Variants in UGCG observed in about 807,000 individuals in gnomAD.
UGCG encodes the protein ceramide glucosyltransferase.
Under a neutral mutation model 49.5 loss-of-function variants are expected in UGCG, and 10 were observed. That is an observed-to-expected ratio of 0.20 (90% CI 0.12 to 0.34). UGCG has a LOEUF of 0.34. Ranked by LOEUF, UGCG falls within the 10% of genes least tolerant of loss-of-function variation. UGCG has a pLI of 1.00. For synonymous variants in UGCG, 182 were observed against 158.2 expected (o/e 1.15, Z -1.13); for missense variants, 312 against 483.7 (o/e 0.65, Z 3.33).
intron 2 of UGCG, among the ~76,000 whole-genome samples, chr9:111,921,648 C>CAA (rs1329952563): frequency 0.029 from 3,530 of 121,178 alleles, 61 homozygotes; most frequent in Non-Finnish European, 0.041. Flanking sequence ...GACTCTGTCT[C>CAA]AAAAAAAAAA....
intron 1 of UGCG, among the ~76,000 whole-genome samples, chr9:111,900,657 C>T (rs938263601): frequency 6.6e-6 from 1 of 151,834 alleles, no homozygotes; most frequent in African/African-American, 2.4e-5. Flanking sequence ...GCATGCCTGG[C>T]TAATTTTTGT....
At chr9:111,900,627 C>T (rs1172873890) in intron 1 of UGCG, among the ~76,000 whole-genome samples, 1 of 152,078 alleles carries the variant, frequency 6.6e-6, no homozygotes, top group African/African-American at 2.4e-5. Context: ...TAAGTAGCTC[C>T]CAAGTAGCTG....
rs1255330123 is a variant in UGCG, at chr9:111,934,346, T to C, written c.*1349T>C. 3.9e-5 allele frequency: 6 copies of C among 151,942 alleles called. No homozygotes were observed. The highest frequency in any genetic ancestry group is 7.4e-5 in the Non-Finnish European group (5 of 67,990). The allele number at this position is 151,942 out of a possible 1,614,324, so 9.4% of individuals were successfully genotyped here. ...TGGTGAACTGGACTTGATTCTGTTTTGTTTTGTTTTTTTAAAAAAAAAAAA... is the reference window on the plus strand; with the variant it reads ...TGGTGAACTGGACTTGATTCTGTTTCGTTTTGTTTTTTTAAAAAAAAAAAA... On this transcript the variant is annotated 3_prime_UTR_variant, in exon 9 of 9. Coordinates refer to ENST00000374279, the MANE Select transcript of UGCG (RefSeq NM_003358.3).
chr9:111,931,883 C>T lies in UGCG; in HGVS notation c.825-287C>T, dbSNP rs118136672. Reference sequence around the variant, plus strand: ...CTCTACAAAAAATGCAAAAATTAGCCAGGTGTGGTGGCGTGTACACCTGTG... The same window carrying T: ...CTCTACAAAAAATGCAAAAATTAGCTAGGTGTGGTGGCGTGTACACCTGTG... On this transcript the variant is annotated intron_variant, in intron 7 of 8. Coordinates refer to ENST00000374279, the MANE Select transcript of UGCG (RefSeq NM_003358.3). Among the ~76,000 whole-genome samples, 664 of 151,996 alleles carry T rather than the reference C, an allele frequency of 4.4e-3. 9 individuals carry two copies. The highest frequency in any genetic ancestry group is 0.04 in the East Asian group (207 of 5,178).
intron 1 of UGCG, among the ~76,000 whole-genome samples, chr9:111,907,637 T>TTA (rs935318834): frequency 6.6e-6 from 1 of 151,450 alleles, no homozygotes; most frequent in African/African-American, 2.4e-5. Flanking sequence ...TCTTTTTTTT[T>TTA]TTTTTGAGAT....
intron 1 of UGCG, among the ~76,000 whole-genome samples, chr9:111,905,451 G>A (rs1490517154): frequency 2.0e-5 from 3 of 150,016 alleles, no homozygotes; most frequent in Non-Finnish European, 4.4e-5. Flanking sequence ...TCTCCTTCAT[G>A]CATTACTCTT....
chr9:111,914,785 T>C, intron 2 of UGCG, 39 bp downstream of exon 2: 1 of 1,610,238 alleles, frequency 6.2e-7, no homozygotes, highest in Non-Finnish European at 8.5e-7. Context: ...TGTTTTGTTT[T>C]GTTTTGTTCC....
chr9:111,924,994 C>T (rs1838292087), intron 4 of UGCG, 116 bp downstream of exon 4: 5 of 466,400 alleles, frequency 1.1e-5, no homozygotes, highest in Admixed American at 4.9e-5. Context: ...TAATTTATTT[C>T]ATCATCATTT....
chr9:111,910,994 G>A (rs1837986485), intron 1 of UGCG, among the ~76,000 whole-genome samples: 1 of 152,150 alleles, frequency 6.6e-6, no homozygotes. Context: ...TGATCCACCT[G>A]CCTCCACCTT....
chr9:111,914,511 C>A, intron 1 of UGCG, 94 bp from the exon 2 acceptor site: 1 of 1,278,624 alleles, frequency 7.8e-7, no homozygotes, highest in South Asian at 1.7e-5. Context: ...AAAATCTTAA[C>A]TTAGAATTTA....
At position 111,912,326 on chromosome 9, in the gene UGCG, C is replaced by T. The variant is rs565126015; in HGVS notation, c.99-2279C>T. On this transcript the variant is annotated intron_variant, in intron 1 of 8. Transcript: ENST00000374279. The stretch of plus-strand genomic sequence containing the variant: ...GCTGTAGTGGTTCACACCTGTAATC[C>T]CAGCACTTTGGGAAGCCGAGGCGGG... Among the ~76,000 whole-genome samples, 4 of 151,912 alleles carry T rather than the reference C, an allele frequency of 2.6e-5. No individual in the cohort carries two copies. The East Asian group carries it at 7.8e-4, about 29-fold the overall frequency.
chr9:111,919,019 C>T (rs927696322), intron 2 of UGCG, among the ~76,000 whole-genome samples: 3 of 151,954 alleles, frequency 2.0e-5, no homozygotes, highest in Admixed American at 1.3e-4. Context: ...TTATAACCTC[C>T]CTACTTAACA....
chr9:111,912,593 A>T (rs571419878), intron 1 of UGCG, among the ~76,000 whole-genome samples: 127 of 152,130 alleles, frequency 8.3e-4, no homozygotes, highest in African/African-American at 2.9e-3. Context: ...AATAAAAAAA[A>T]AAAAATTCCA....
intron 3 of UGCG, among the ~76,000 whole-genome samples, chr9:111,923,785 A>G (rs1023123954): frequency 6.6e-6 from 1 of 152,090 alleles, no homozygotes; most frequent in Non-Finnish European, 1.5e-5. Flanking sequence ...GGCGTGCATC[A>G]CCACGCCCAG....
intron 1 of UGCG, among the ~76,000 whole-genome samples, chr9:111,910,627 T>C (rs1564199440): frequency 6.6e-6 from 1 of 152,218 alleles, no homozygotes; most frequent in Non-Finnish European, 1.5e-5. Flanking sequence ...TGTGGTCATA[T>C]ATAATGATTT....
chr9:111,921,574 C>G (rs1838221753), intron 2 of UGCG, among the ~76,000 whole-genome samples: 1 of 151,070 alleles, frequency 6.6e-6, no homozygotes, highest in African/African-American at 2.4e-5. Flanking sequence ...TCGATTGAAC[C>G]TGGGAGGCGG....
At chr9:111,906,591 G>A (rs1837889473) in intron 1 of UGCG, among the ~76,000 whole-genome samples, 1 of 151,868 alleles carries the variant, frequency 6.6e-6, no homozygotes, top group South Asian at 2.1e-4. Context: ...CACCATGCCT[G>A]GCTAATTTTT....
At chr9:111,926,517 T>TCA in intron 5 of UGCG, 21 bp downstream of exon 5, 1 of 1,569,338 alleles carries the variant, frequency 6.4e-7, no homozygotes. Context: ...TGGTTATAAA[T>TCA]CATGTTCATA....
chr9:111,904,822 A>G (rs1429647476), intron 1 of UGCG, among the ~76,000 whole-genome samples: 1 of 152,166 alleles, frequency 6.6e-6, no homozygotes, highest in African/African-American at 2.4e-5. Context: ...AGGTTGTGCC[A>G]TTGCTCTCCA....
Sources: gnomAD v4.1 joint callset for allele counts (sites outside exome capture counted in the v4.1 genomes callset) on GRCh38, gnomAD v4.1.1 for gene constraint, MANE v1.5 for transcripts, NCBI Gene and HGNC (gene_info 2026-07-23, HGNC 2026-07-21) for gene names.